Variants in SVOPL observed in about 807,000 individuals in gnomAD.
The protein encoded by SVOPL is SVOP like.
In SVOPL, 60 loss-of-function variants were observed where a neutral mutation model predicts 61.0. That is an observed-to-expected ratio of 0.98 (90% CI 0.80 to 1.22). The LOEUF is 1.22. SVOPL is among the 50% of genes most tolerant of loss of function. SVOPL has a pLI of 0.00. For missense variants in SVOPL, 662 were observed against 643.9 expected, an observed-to-expected ratio of 1.03 and a Z score of -0.30; for synonymous variants, 279 against 250.0, an observed-to-expected ratio of 1.12 and a Z score of -1.09.
intron 13 of SVOPL, among the ~76,000 whole-genome samples, chr7:138,622,606 C>T (rs1428849463): frequency 3.3e-5 from 5 of 152,112 alleles, no homozygotes; most frequent in Non-Finnish European, 7.4e-5. Flanking sequence ...CATGCCCAGC[C>T]CTTTTTAACA....
intron 13 of SVOPL, among the ~76,000 whole-genome samples, chr7:138,621,904 ATG>A (rs1799601773): frequency 7.1e-6 from 1 of 140,320 alleles, no homozygotes; most frequent in African/African-American, 2.6e-5. Context: ...CTATCTATCT[ATG>A]TATCTATCTA....
At chr7:138,628,963 A>G (rs1800026708) in intron 10 of SVOPL, among the ~76,000 whole-genome samples, 1 of 152,120 alleles carries the variant, frequency 6.6e-6, no homozygotes, top group Admixed American at 6.6e-5. Context: ...GCTTGAGGCC[A>G]GGAGTTTGAG....
At chr7:138,605,624 T>C (rs1395036643) in intron 14 of SVOPL, among the ~76,000 whole-genome samples, 2 of 132,676 alleles carry the variant, frequency 1.5e-5, no homozygotes, top group African/African-American at 5.7e-5. Flanking sequence ...ATCATACCAC[T>C]GCACTCTAAC....
chr7:138,600,140 T>C (rs1798453260), intron 14 of SVOPL, among the ~76,000 whole-genome samples: 1 of 152,182 alleles, frequency 6.6e-6, no homozygotes, highest in Non-Finnish European at 1.5e-5. Flanking sequence ...TGTAGTATGA[T>C]GATACATGGC....
chr7:138,644,500 C>T (rs1281130838), intron 9 of SVOPL, among the ~76,000 whole-genome samples: 3 of 152,154 alleles, frequency 2.0e-5, no homozygotes, highest in African/African-American at 7.2e-5. Context: ...TGTTATTATT[C>T]CCATTTTATT....
At chr7:138,673,454 C>G (rs1375103063) in intron 3 of SVOPL, among the ~76,000 whole-genome samples, 1 of 151,738 alleles carries the variant, frequency 6.6e-6, no homozygotes, top group Non-Finnish European at 1.5e-5. Flanking sequence ...GCCAGGAGTT[C>G]GAGACCAGCC....
At chr7:138,602,441 CTATATATATATATATA>C (rs59400217) in intron 14 of SVOPL, among the ~76,000 whole-genome samples, 3,763 of 140,570 alleles carry the variant, frequency 0.027, 133 homozygotes, top group African/African-American at 0.08. Context: ...AAGGCAGTTG[CTATATATATATATATA>C]TATATATATA....
In SVOPL at chr7:138,680,559, C is replaced by A. The variant is rs1156510092; in HGVS notation, c.-34-1480G>T. Among the ~76,000 whole-genome samples, 3 of 149,592 alleles carry A rather than the reference C, an allele frequency of 2.0e-5. No individual in the cohort carries two copies. In the East Asian group the frequency reaches 5.9e-4, roughly 29 times the overall value. On this transcript the variant is annotated intron_variant, in intron 1 of 15. Coordinates refer to ENST00000674285, the MANE Select transcript of SVOPL (RefSeq NM_001139456.2). ...GATGGGTACCAAGTCAGTGGCTTAC[C>A]CACACAGACTTTTGTGTGTGTGTGT...
chr7:138,698,980 A>G (rs112928444), intron 1 of SVOPL, among the ~76,000 whole-genome samples: 7,764 of 152,222 alleles, frequency 0.051, 310 homozygotes, highest in African/African-American at 0.11. Context: ...GTGAAACCTC[A>G]TCTCTACTAA....
intron 1 of SVOPL, among the ~76,000 whole-genome samples, chr7:138,699,275 T>C (rs1401542534): frequency 6.6e-6 from 1 of 152,046 alleles, no homozygotes; most frequent in Non-Finnish European, 1.5e-5. Flanking sequence ...TTGCACTCCA[T>C]CCTGGGCGAC....
chr7:138,629,121 T>A (rs1225912470), intron 10 of SVOPL, among the ~76,000 whole-genome samples: 2 of 102,894 alleles, frequency 1.9e-5, no homozygotes, highest in East Asian at 5.6e-4. Flanking sequence ...TAAGCATGTT[T>A]TATATATGTG....
At chr7:138,624,322 T>C (rs188773324) in intron 13 of SVOPL, among the ~76,000 whole-genome samples, 2 of 152,334 alleles carry the variant, frequency 1.3e-5, no homozygotes, top group East Asian at 3.9e-4. Context: ...CCTTTTAATA[T>C]GGATATACTG....
intron 1 of SVOPL, among the ~76,000 whole-genome samples, chr7:138,680,098 CA>C (rs1251271136): frequency 6.6e-6 from 1 of 151,726 alleles, no homozygotes; most frequent in African/African-American, 2.4e-5. Context: ...TACAGAAAAA[CA>C]ATCGCAAAGC....
chr7:138,686,330 G>C (rs1035122254), intron 1 of SVOPL, among the ~76,000 whole-genome samples: 1 of 151,334 alleles, frequency 6.6e-6, no homozygotes, highest in African/African-American at 2.4e-5. Context: ...TTGAACCCCG[G>C]GGGGGGCGGA....
At chr7:138,637,487 GATAGAT>G (rs1563108879) in intron 9 of SVOPL, among the ~76,000 whole-genome samples, 83 of 18,956 alleles carry the variant, frequency 4.4e-3, no homozygotes, top group African/African-American at 0.013. Flanking sequence ...TATAGATATA[GATAGAT>G]ATATATATAT....
At chr7:138,676,810 CAT>C (rs1421616880) in intron 3 of SVOPL, among the ~76,000 whole-genome samples, 1 of 151,278 alleles carries the variant, frequency 6.6e-6, no homozygotes, top group Non-Finnish European at 1.5e-5. Flanking sequence ...ATTCCCAAAA[CAT>C]AGACACAAAT....
At chr7:138,662,004 C>T in intron 5 of SVOPL, 1 of 985,498 alleles carries the variant, frequency 1.0e-6, no homozygotes, top group South Asian at 4.7e-5. Context: ...CCCCTAACTC[C>T]AGAGGTTTCA....
intron 1 of SVOPL, among the ~76,000 whole-genome samples, chr7:138,691,195 A>C (rs1444544267): frequency 6.6e-6 from 1 of 152,236 alleles, no homozygotes; most frequent in African/African-American, 2.4e-5. Flanking sequence ...CAGACTTTAA[A>C]ACCAAAAGGA....
intron 14 of SVOPL, 74 bp downstream of exon 14, chr7:138,620,972 A>C: frequency 1.5e-6 from 2 of 1,346,010 alleles, no homozygotes; most frequent in Non-Finnish European, 2.1e-6. Flanking sequence ...TTCTGCCTTT[A>C]ATCTGAAGGT....
Sources: allele counts gnomAD v4.1 joint callset (sites outside exome capture counted in the v4.1 genomes callset), GRCh38; gene constraint gnomAD v4.1.1; transcripts MANE v1.5; gene names NCBI Gene and HGNC (gene_info 2026-07-23, HGNC 2026-07-21).